Variants in RNF38 observed in about 807,000 individuals in gnomAD.
RNF38 encodes E3 ubiquitin-protein ligase RNF38.
In RNF38, 15 loss-of-function variants were observed where a neutral mutation model predicts 67.2. The ratio of observed to expected loss-of-function variants is 0.22; its 90% CI spans 0.15 to 0.34. The LOEUF is 0.34. Ranked by LOEUF, RNF38 falls within the 10% of genes least tolerant of loss-of-function variation. The pLI is 1.00. For missense variants in RNF38, 524 were observed against 639.9 expected (o/e 0.82, Z 1.95); for synonymous variants, 220 against 218.8 (o/e 1.01, Z -0.05).
chr9:36,469,519 G>A (rs750284914), intron 1 of RNF38, among the ~76,000 whole-genome samples: 1 of 151,888 alleles, frequency 6.6e-6, no homozygotes, highest in Non-Finnish European at 1.5e-5. Context: ...AAATTAGCCA[G>A]GCGTGGTGGC....
intron 2 of RNF38, among the ~76,000 whole-genome samples, chr9:36,384,716 G>T (rs1382756536): frequency 6.6e-6 from 1 of 152,186 alleles, no homozygotes; most frequent in Non-Finnish European, 1.5e-5. Context: ...CTCACTTTAT[G>T]TTCTTTGTTA....
intron 1 of RNF38, among the ~76,000 whole-genome samples, chr9:36,478,167 G>GC (rs1393200798): frequency 6.6e-6 from 1 of 152,036 alleles, no homozygotes; most frequent in Admixed American, 6.6e-5. Flanking sequence ...AGGCGTGGTA[G>GC]CTCACGCCTG....
intron 10 of RNF38, among the ~76,000 whole-genome samples, chr9:36,343,005 G>A (rs1399094217): frequency 1.3e-5 from 2 of 152,166 alleles, no homozygotes; most frequent in South Asian, 2.1e-4. Flanking sequence ...TATAGTATTT[G>A]TGACCTATGC....
chr9:36,352,656 A>G, intron 8 of RNF38, 86 bp downstream of exon 8: 2 of 1,013,928 alleles, frequency 2.0e-6, no homozygotes, highest in Non-Finnish European at 3.1e-6. Context: ...ACACACCAAA[A>G]GCTATAGACA....
At chr9:36,435,846 G>C (rs1009528956) in intron 1 of RNF38, among the ~76,000 whole-genome samples, 2 of 152,076 alleles carry the variant, frequency 1.3e-5, no homozygotes, top group African/African-American at 2.4e-5. Context: ...AGCCAGGATG[G>C]TCTCGATATC....
At chr9:36,416,653 C>G (rs570137240) in intron 2 of RNF38, among the ~76,000 whole-genome samples, 35 of 151,910 alleles carry the variant, frequency 2.3e-4, no homozygotes, top group African/African-American at 8.2e-4. Flanking sequence ...GGCAGCCTTT[C>G]CCAAGAACCC....
intron 11 of RNF38, 42 bp downstream of exon 11, chr9:36,342,283 G>C: frequency 7.2e-7 from 1 of 1,385,458 alleles, no homozygotes; most frequent in Non-Finnish European, 1.0e-6. Flanking sequence ...CAATAAAATA[G>C]AAAATTCAAT....
intron 6 of RNF38, among the ~76,000 whole-genome samples, chr9:36,356,098 C>A (rs746216039): frequency 6.6e-6 from 1 of 152,094 alleles, no homozygotes; most frequent in African/African-American, 2.4e-5. Context: ...CTGCCTGCCT[C>A]GACCTCCCAG....
rs1438231360 is a variant in RNF38, at chr9:36,345,011, T to A, written c.1264-58A>T. 7 of 725,776 alleles carry A rather than the reference T, an allele frequency of 9.6e-6. No individual in the cohort carries two copies. The Admixed American group carries it at 1.4e-4, about 15-fold the overall frequency. The allele number at this position is 725,776 out of a possible 1,614,324, so 45.0% of individuals were successfully genotyped here. A position where few individuals can be genotyped will look rare whatever the true frequency, so the allele number is the denominator to read the frequency against. ...ATCTTTACATTTTGCATTCCAATAC[T>A]TTTTTTTTTTAAGAGATGGAGTCCT... On this transcript the variant is annotated intron_variant, in intron 9 of 11. Coordinates refer to ENST00000259605, the MANE Select transcript of RNF38 (RefSeq NM_022781.5).
intron 4 of RNF38, among the ~76,000 whole-genome samples, chr9:36,359,003 AT>A (rs938231925): frequency 4.6e-5 from 7 of 150,938 alleles, no homozygotes; most frequent in African/African-American, 9.7e-5. Flanking sequence ...AAGAAAACTA[AT>A]TTTTTTTTCA....
At chr9:36,422,889 T>C (rs1838667136) in intron 2 of RNF38, among the ~76,000 whole-genome samples, 2 of 152,178 alleles carry the variant, frequency 1.3e-5, no homozygotes, top group Non-Finnish European at 2.9e-5. Flanking sequence ...AGGAAGTACC[T>C]GGCAAAGGTA....
chr9:36,365,838 G>C (rs933393098), intron 4 of RNF38, among the ~76,000 whole-genome samples: 3 of 151,540 alleles, frequency 2.0e-5, no homozygotes, highest in Non-Finnish European at 2.9e-5. Flanking sequence ...GCTAATTTTT[G>C]TATTTTTAGT....
At chr9:36,427,162 C>T (rs902063994) in intron 1 of RNF38, among the ~76,000 whole-genome samples, 1 of 152,164 alleles carries the variant, frequency 6.6e-6, no homozygotes, top group Non-Finnish European at 1.5e-5. Context: ...TTTCATCTTC[C>T]AGCATGCAGC....
At chr9:36,476,330 G>A (rs1415954461) in intron 1 of RNF38, among the ~76,000 whole-genome samples, 2 of 151,828 alleles carry the variant, frequency 1.3e-5, no homozygotes, top group Non-Finnish European at 2.9e-5. Flanking sequence ...GGCCAAGCTG[G>A]TCTTGAACTG....
At chr9:36,399,023 T>C (rs4144593) in intron 1 of RNF38, among the ~76,000 whole-genome samples, 101,825 of 143,116 alleles carry the variant, frequency 0.71, 33,583 homozygotes, top group South Asian at 0.72. Flanking sequence ...CCAATGCTGT[T>C]GGCAGAGAGA....
At chr9:36,341,174 T>C (rs907648971) in intron 11 of RNF38, among the ~76,000 whole-genome samples, 5 of 152,190 alleles carry the variant, frequency 3.3e-5, no homozygotes, top group African/African-American at 1.2e-4. Context: ...CTGAACACCT[T>C]TTCTTTTCCC....
At chr9:36,441,485 C>T (rs1034062562) in intron 1 of RNF38, among the ~76,000 whole-genome samples, 4 of 152,044 alleles carry the variant, frequency 2.6e-5, no homozygotes, top group African/African-American at 9.7e-5. Context: ...CGCCACCATG[C>T]CGGCTAATTT....
At chr9:36,455,293 C>A (rs1294052231) in intron 1 of RNF38, among the ~76,000 whole-genome samples, 1 of 151,936 alleles carries the variant, frequency 6.6e-6, no homozygotes, top group East Asian at 2.0e-4. Flanking sequence ...AACTCCAGGC[C>A]TCCAGTGATC....
At chr9:36,351,643 G>A (rs1833693945) in intron 8 of RNF38, among the ~76,000 whole-genome samples, 2 of 152,180 alleles carry the variant, frequency 1.3e-5, no homozygotes, top group South Asian at 4.1e-4. Context: ...AAAACGGGGA[G>A]AGAGAGGAAG....
Sources: gnomAD v4.1 joint callset for allele counts (sites outside exome capture counted in the v4.1 genomes callset) on GRCh38, gnomAD v4.1.1 for gene constraint, MANE v1.5 for transcripts, NCBI Gene and HGNC (gene_info 2026-07-23, HGNC 2026-07-21) for gene names.